PCDH15: variants seen among roughly 807,000 people sequenced by gnomAD.
PCDH15 encodes protocadherin related 15, also known as protocadherin-15.
PCDH15 carries 129 observed loss-of-function variants against 178.5 expected under a neutral mutation model. The ratio of observed to expected loss-of-function variants is 0.72; its 90% CI spans 0.63 to 0.84. The LOEUF (loss-of-function observed/expected upper bound fraction) is 0.84, where lower values mean the gene tolerates loss of function less well. Among genes scored for constraint, PCDH15 ranks in the 40% least tolerant of loss-of-function variants. The probability of loss-of-function intolerance (pLI) is 0.00; values close to 1 mark genes in which losing one functional copy is unlikely to be tolerated. For missense variants in PCDH15, 2,230 were observed against 2,099.9 expected, an observed-to-expected ratio of 1.06 and a Z score of -1.21; for synonymous variants, 800 against 732.0, an observed-to-expected ratio of 1.09 and a Z score of -1.50.
chr10:55,405,194 T>A (rs1838166763), intron 2 of PCDH15, among the ~76,000 whole-genome samples: 1 of 150,680 alleles, frequency 6.6e-6, no homozygotes, highest in African/African-American at 2.4e-5. Flanking sequence ...TAGAGCGATA[T>A]ATATCTCATT....
chr10:55,141,492 G>A (rs7914330), intron 2 of PCDH15, among the ~76,000 whole-genome samples: 79,235 of 151,916 alleles, frequency 0.52, 21,173 homozygotes, highest in South Asian at 0.63. Flanking sequence ...AGTGACTTTT[G>A]CTGAAGCCAT....
intron 1 of PCDH15, among the ~76,000 whole-genome samples, chr10:54,763,481 G>A (rs1428913779): frequency 6.6e-6 from 1 of 151,982 alleles, no homozygotes; most frequent in African/African-American, 2.4e-5. Context: ...GAACTGTGTG[G>A]AGTTTATTTG....
At chr10:55,528,439 A>T (rs191795859) in intron 2 of PCDH15, among the ~76,000 whole-genome samples, 1 of 151,950 alleles carries the variant, frequency 6.6e-6, no homozygotes, top group East Asian at 2.0e-4. Flanking sequence ...AAGTGTTCTC[A>T]TTGTTCAATT....
rs1565270754 is a variant in PCDH15, at chr10:54,436,041, AG to A, written c.158-57100del. Among the ~76,000 whole-genome samples the A allele has an allele frequency of 1.2e-3, 163 of 140,622 alleles. 2 individuals carry two copies. The highest frequency in any genetic ancestry group is 4.0e-3 in the African/African-American group (138 of 34,806). 92.3% of individuals were successfully genotyped at this position (140,622 alleles called of 152,430 possible). A position where few individuals can be genotyped will look rare whatever the true frequency, so the allele number is the denominator to read the frequency against. ...GGAGAGGAGAGGAGAGGAGAGAGAG[AG>A]AGAGAGAGAAAAGAAAGAAAGAAAG... On this transcript the variant is annotated intron_variant, in intron 3 of 37. Transcript: ENST00000644397.
At chr10:55,051,203 A>G (rs182055451) in intron 2 of PCDH15, among the ~76,000 whole-genome samples, 104 of 152,194 alleles carry the variant, frequency 6.8e-4, no homozygotes, top group African/African-American at 2.4e-3. Flanking sequence ...AAAAATGCAA[A>G]CAGAACTATT....
intron 14 of PCDH15, among the ~76,000 whole-genome samples, chr10:54,133,874 CACAT>C (rs896203973): frequency 4.1e-5 from 6 of 145,740 alleles, no homozygotes; most frequent in South Asian, 2.3e-4. Context: ...CACACACACA[CACAT>C]ATATACACAT....
chr10:54,992,381 A>G (rs1839523117), intron 2 of PCDH15, among the ~76,000 whole-genome samples: 1 of 152,182 alleles, frequency 6.6e-6, no homozygotes, highest in Non-Finnish European at 1.5e-5. Flanking sequence ...AGCTCAAGTC[A>G]GTTGACCTAA....
At chr10:54,845,022 T>A (rs1312645093) in intron 3 of PCDH15, among the ~76,000 whole-genome samples, 1 of 151,994 alleles carries the variant, frequency 6.6e-6, no homozygotes, top group Non-Finnish European at 1.5e-5. Context: ...AAAATCATGT[T>A]GAAATTAAGA....
At chr10:54,384,608 T>C (rs1482967199) in intron 3 of PCDH15, among the ~76,000 whole-genome samples, 1 of 152,160 alleles carries the variant, frequency 6.6e-6, no homozygotes, top group Non-Finnish European at 1.5e-5. Flanking sequence ...GTATTAAATT[T>C]ATCAACATCA....
chr10:54,214,153 A>T lies in PCDH15; in HGVS notation c.986-105T>A. ...AGCTGAGGAACAAAGCTACAATTTC[A>T]TTAGTAAATTAAGTTTCACAATTAT... On this transcript the variant is annotated intron_variant, in intron 9 of 37. Coordinates refer to ENST00000644397, the MANE Select transcript of PCDH15 (RefSeq NM_001384140.1). The T allele has an allele frequency of 7.3e-6, 5 of 686,544 alleles. No homozygotes were observed. In the South Asian group the frequency reaches 7.4e-5, roughly 10 times the overall value. The allele number at this position is 686,544 out of a possible 1,614,324, so 42.5% of individuals were successfully genotyped here.
At chr10:54,679,426 A>C (rs1047842070) in intron 1 of PCDH15, among the ~76,000 whole-genome samples, 2 of 152,200 alleles carry the variant, frequency 1.3e-5, no homozygotes, top group African/African-American at 2.4e-5. Flanking sequence ...CTGTTCACAG[A>C]AATTAGCTTC....
intron 2 of PCDH15, among the ~76,000 whole-genome samples, chr10:55,441,316 C>T (rs556004902): frequency 6.6e-6 from 1 of 152,292 alleles, no homozygotes; most frequent in Non-Finnish European, 1.5e-5. Flanking sequence ...GTTCTTTGGA[C>T]ATACTGAAGA....
rs11004302 is a variant in PCDH15 at position 54,434,605 on chromosome 10, T to A, written c.158-55663A>T. On this transcript the variant is annotated intron_variant, in intron 3 of 37. Transcript: ENST00000644397. ...TAGCAGGCTATAACATCTAGGTTTG[T>A]GTAAGTAAGTACAGCCAATCATGTT... is the stretch of plus-strand genomic sequence containing the variant. Among the ~76,000 whole-genome samples, 4 of 152,316 alleles carry A rather than the reference T, an allele frequency of 2.6e-5. No homozygotes were observed. In the East Asian group the frequency reaches 7.7e-4, roughly 29 times the overall value.
chr10:54,711,003 G>C (rs1180922025), intron 1 of PCDH15, among the ~76,000 whole-genome samples: 1 of 151,922 alleles, frequency 6.6e-6, no homozygotes, highest in Non-Finnish European at 1.5e-5. Context: ...CTGTATATAA[G>C]GGACTACAAT....
At chr10:55,619,310 T>C in intron 2 of PCDH15, among the ~76,000 whole-genome samples, 1 of 151,942 alleles carries the variant, frequency 6.6e-6, no homozygotes, top group East Asian at 1.9e-4. Context: ...ATCAGAATTT[T>C]AAAAAAACTA....
chr10:53,949,805 C>G (rs2086869743), intron 23 of PCDH15, among the ~76,000 whole-genome samples: 1 of 152,134 alleles, frequency 6.6e-6, no homozygotes, highest in Non-Finnish European at 1.5e-5. Flanking sequence ...GTTAACTAGA[C>G]CTGCTCACTT....
At chr10:54,622,619 A>C (rs1208283278) in intron 2 of PCDH15, among the ~76,000 whole-genome samples, 1 of 42,490 alleles carries the variant, frequency 2.4e-5, no homozygotes, top group African/African-American at 9.6e-5. Context: ...ATTATATATA[A>C]TATATATAAT....
At chr10:55,207,204 C>T (rs948227265) in intron 1 of PCDH15, among the ~76,000 whole-genome samples, 1 of 152,004 alleles carries the variant, frequency 6.6e-6, no homozygotes, top group Non-Finnish European at 1.5e-5. Context: ...TTTGCTTAAT[C>T]ATTTTTTGAT....
intron 3 of PCDH15, among the ~76,000 whole-genome samples, chr10:54,836,016 T>C (rs942534855): frequency 3.3e-5 from 5 of 152,126 alleles, no homozygotes; most frequent in East Asian, 1.9e-4. Flanking sequence ...TTTAAAGAAA[T>C]AGAATAACTC....
Sources: allele counts gnomAD v4.1 joint callset (sites outside exome capture counted in the v4.1 genomes callset), GRCh38; gene constraint gnomAD v4.1.1; transcripts MANE v1.5; gene names NCBI Gene and HGNC (gene_info 2026-07-23, HGNC 2026-07-21).